The following MARCHF10 variants were observed in gnomAD, a reference collection of about 807,000 sequenced individuals.
MARCHF10 encodes probable E3 ubiquitin-protein ligase MARCHF10.
Under a neutral mutation model 76.2 loss-of-function variants are expected in MARCHF10, and 64 were observed. The observed-to-expected ratio is 0.84, with a 90% CI of 0.69 to 1.03. MARCHF10 has a LOEUF of 1.03. Among genes scored for constraint, MARCHF10 ranks in the 50% least tolerant of loss-of-function variants. The pLI is 0.00. For missense variants in MARCHF10, 875 were observed against 958.0 expected (o/e 0.91, Z 1.14); for synonymous variants, 340 against 357.5 (o/e 0.95, Z 0.55).
chr17:62,725,319 A>C (rs2090705003), intron 6 of MARCHF10, among the ~76,000 whole-genome samples: 1 of 152,162 alleles, frequency 6.6e-6, no homozygotes, highest in Non-Finnish European at 1.5e-5. Context: ...GCCGGAGTGC[A>C]GTGGCACAAT....
chr17:62,710,822 A>G (rs2089890859), intron 9 of MARCHF10, among the ~76,000 whole-genome samples: 1 of 152,062 alleles, frequency 6.6e-6, no homozygotes, highest in Non-Finnish European at 1.5e-5. Flanking sequence ...CGGCCTCCCA[A>G]AGCGCTGGGA....
chr17:62,716,930 C>T (rs956582510), intron 8 of MARCHF10, among the ~76,000 whole-genome samples: 1 of 152,082 alleles, frequency 6.6e-6, no homozygotes, highest in South Asian at 2.1e-4. Context: ...CCCAGGTGAG[C>T]CAGGTTTGGA....
chr17:62,712,033 TTC>T lies in MARCHF10; in HGVS notation c.2215-691_2215-690del, dbSNP rs771091071. The stretch of plus-strand genomic sequence containing the variant: ...GTGATGGTCTGGCTGCCCATGGCAC[TTC>T]TCTGTCCTTAGCACTTGGGCTTTGC... On this transcript the variant is annotated intron_variant, in intron 8 of 10. Coordinates refer to ENST00000311269, the MANE Select transcript of MARCHF10 (RefSeq NM_152598.4). The surrounding 1 kb of genome is among the most constrained non-coding windows in gnomAD (Gnocchi z 4.2). Among the ~76,000 whole-genome samples the T allele has an allele frequency of 2.0e-5, 3 of 152,260 alleles. No homozygotes were observed. Among genetic ancestry groups the T allele is most frequent in the Non-Finnish European group, 4.4e-5 (3 of 68,042 alleles).
intron 4 of MARCHF10, among the ~76,000 whole-genome samples, chr17:62,746,185 G>C (rs1437537010): frequency 6.6e-6 from 1 of 152,198 alleles, no homozygotes; most frequent in Non-Finnish European, 1.5e-5. Flanking sequence ...ACTTACTTCT[G>C]ACGGGCCCCA....
intron 3 of MARCHF10, among the ~76,000 whole-genome samples, chr17:62,768,506 C>T (rs1166083404): frequency 6.6e-6 from 1 of 152,118 alleles, no homozygotes; most frequent in East Asian, 1.9e-4. Flanking sequence ...GGTGACAGGG[C>T]AAAATTCCGT....
chr17:62,770,351 G>A (rs2092419890), intron 3 of MARCHF10, among the ~76,000 whole-genome samples: 1 of 152,028 alleles, frequency 6.6e-6, no homozygotes, highest in African/African-American at 2.4e-5. Context: ...TGTCTTTTTG[G>A]TATAATGATC....
chr17:62,705,194 G>C, intron 10 of MARCHF10: 1 of 1,230,978 alleles, frequency 8.1e-7, no homozygotes. Flanking sequence ...AATCCTGGCA[G>C]TAAAAAAACC....
intron 3 of MARCHF10, among the ~76,000 whole-genome samples, chr17:62,778,977 C>T (rs766951919): frequency 2.0e-4 from 30 of 152,148 alleles, no homozygotes; most frequent in African/African-American, 5.8e-4. Context: ...AACAGAGCAA[C>T]GGCTAAAATG....
intron 4 of MARCHF10, among the ~76,000 whole-genome samples, chr17:62,759,318 C>T (rs148979281): frequency 3.3e-5 from 5 of 152,244 alleles, no homozygotes; most frequent in East Asian, 1.9e-4. Flanking sequence ...AAAATGCGGG[C>T]GGTGGAGAAA....
At chr17:62,714,764 T>C (rs1347849249) in intron 8 of MARCHF10, among the ~76,000 whole-genome samples, 1 of 152,132 alleles carries the variant, frequency 6.6e-6, no homozygotes, top group Non-Finnish European at 1.5e-5. Flanking sequence ...TCCTCTTTTT[T>C]TGAGACAGTC....
rs931431860 is a variant in MARCHF10, at chr17:62,796,980, C to T, written c.90+4666G>A. 2.0e-5 allele frequency among the ~76,000 whole-genome samples: 3 copies of T among 152,044 alleles called. No individual in the cohort carries two copies. In the South Asian group the frequency reaches 6.2e-4, roughly 32 times the overall value. On this transcript the variant is annotated intron_variant, in intron 2 of 10. Transcript: ENST00000311269. ...TGCACCCCGACCTGGGCAACCACTG[C>T]ACCCCCACCTGGACAACAGAGCAAG...
At chr17:62,744,144 T>A (rs2091614869) in intron 5 of MARCHF10, among the ~76,000 whole-genome samples, 1 of 151,986 alleles carries the variant, frequency 6.6e-6, no homozygotes, top group Non-Finnish European at 1.5e-5. Context: ...GAGAAAAAGA[T>A]ATCCCCCCCG....
At chr17:62,735,863 T>G in intron 6 of MARCHF10, 68 bp downstream of exon 6, 1 of 1,438,012 alleles carries the variant, frequency 7.0e-7, no homozygotes, top group Non-Finnish European at 9.5e-7. Context: ...CATGGCTCTC[T>G]AACGAAAGCA....
At chr17:62,782,497 G>A (rs1321010669) in intron 3 of MARCHF10, among the ~76,000 whole-genome samples, 1 of 152,016 alleles carries the variant, frequency 6.6e-6, no homozygotes, top group Non-Finnish European at 1.5e-5. Flanking sequence ...ACAGGCGCAT[G>A]CCACCACGCC....
chr17:62,789,204 C>T (rs1466398494), intron 2 of MARCHF10, among the ~76,000 whole-genome samples: 1 of 152,138 alleles, frequency 6.6e-6, no homozygotes, highest in Non-Finnish European at 1.5e-5. Flanking sequence ...GAGGGCAGCA[C>T]CTGTTACACC....
chr17:62,797,977 C>T (rs2093012660), intron 2 of MARCHF10, among the ~76,000 whole-genome samples: 1 of 152,046 alleles, frequency 6.6e-6, no homozygotes, highest in African/African-American at 2.4e-5. Context: ...ACAGGGAAGG[C>T]TTAGACCATA....
intron 7 of MARCHF10, 112 bp downstream of exon 7, chr17:62,724,826 C>T (rs1357190148): frequency 6.1e-6 from 7 of 1,150,440 alleles, no homozygotes; most frequent in Middle Eastern, 2.0e-4. Context: ...GTCCCTGAGT[C>T]GCTGTTCTGC....
At chr17:62,792,777 ACCACCACCT>A (rs1568218124) in intron 2 of MARCHF10, among the ~76,000 whole-genome samples, 174 of 125,254 alleles carry the variant, frequency 1.4e-3, no homozygotes, top group African/African-American at 6.3e-3. Flanking sequence ...CATCACTACC[ACCACCACCT>A]CCATCACCAC....
chr17:62,782,749 T>C (rs2092681837), intron 3 of MARCHF10, among the ~76,000 whole-genome samples: 1 of 152,162 alleles, frequency 6.6e-6, no homozygotes, highest in Non-Finnish European at 1.5e-5. Context: ...TGGATCTGGC[T>C]TGAGTTTCAT....
Sources: gnomAD v4.1 joint callset for allele counts (sites outside exome capture counted in the v4.1 genomes callset) on GRCh38, gnomAD v4.1.1 for gene constraint, Gnocchi (gnomAD v3.1) non-coding constraint, MANE v1.5 for transcripts, NCBI Gene and HGNC (gene_info 2026-07-23, HGNC 2026-07-21) for gene names.